Variants in SLC8A1 observed in about 807,000 individuals in gnomAD.
The protein encoded by SLC8A1 is sodium/calcium exchanger 1.
SLC8A1 carries 18 observed loss-of-function variants against 68.3 expected under a neutral mutation model. That is an observed-to-expected ratio of 0.26 (90% CI 0.18 to 0.39). SLC8A1 has a LOEUF of 0.39. Among genes scored for constraint, SLC8A1 ranks in the 10% least tolerant of loss-of-function variants. The pLI, the probability that SLC8A1 is intolerant of heterozygous loss-of-function variation, is 1.00. For missense variants in SLC8A1, 985 were observed against 1,156.7 expected, an observed-to-expected ratio of 0.85 and a Z score of 2.15; for synonymous variants, 475 against 415.5, an observed-to-expected ratio of 1.14 and a Z score of -1.74.
At chr2:40,366,173 C>T (rs747224319) in intron 2 of SLC8A1, among the ~76,000 whole-genome samples, 7 of 151,976 alleles carry the variant, frequency 4.6e-5, no homozygotes, top group Non-Finnish European at 8.8e-5. Flanking sequence ...CTCATAAGGG[C>T]ACTGTCAAAT....
At chr2:40,443,445 G>A (rs1700880253) in intron 1 of SLC8A1, among the ~76,000 whole-genome samples, 1 of 152,152 alleles carries the variant, frequency 6.6e-6, no homozygotes. Flanking sequence ...AAAGGTTGTT[G>A]AATTGTAAGG....
intron 2 of SLC8A1, among the ~76,000 whole-genome samples, chr2:40,383,501 T>C (rs1682586913): frequency 6.6e-6 from 1 of 152,090 alleles, no homozygotes; most frequent in Non-Finnish European, 1.5e-5. Flanking sequence ...ATGAGCATAT[T>C]TGCCATGTGA....
chr2:40,500,368 T>C (rs754544232), intron 1 of SLC8A1, among the ~76,000 whole-genome samples: 1 of 152,126 alleles, frequency 6.6e-6, no homozygotes, highest in Non-Finnish European at 1.5e-5. Flanking sequence ...TGAGAAACAC[T>C]GCATTACTAT....
rs2053932560 is a variant in SLC8A1 at position 40,200,195 on chromosome 2, T to TAA, written c.1809-22341_1809-22340insTT. 9.0e-4 allele frequency among the ~76,000 whole-genome samples: 8 copies of TAA among 8,852 alleles called. 1 individual carries two copies. The highest frequency in any genetic ancestry group is 1.7e-3 in the Non-Finnish European group (5 of 3,006). The allele number at this position is 8,852 out of a possible 152,430, so 5.8% of individuals were successfully genotyped here. On this transcript the variant is annotated intron_variant, in intron 2 of 7. Coordinates refer to ENST00000406785, the Ensembl canonical transcript of SLC8A1. Reference sequence around the variant, plus strand: ...ATTGATATATATATATATATATTTATATATATATATAAATATATATATATT... The same window carrying TAA: ...ATTGATATATATATATATATATTTATAAATATATATATAAATATATATATATT...
intron 2 of SLC8A1, among the ~76,000 whole-genome samples, chr2:40,306,453 G>GT (rs1559170392): frequency 2.4e-5 from 2 of 85,072 alleles, no homozygotes; most frequent in African/African-American, 7.9e-5. Flanking sequence ...GAATGGTTGT[G>GT]GGGGGGGGCA....
intron 2 of SLC8A1, among the ~76,000 whole-genome samples, chr2:40,180,411 C>G (rs2049281268): frequency 6.6e-6 from 1 of 152,182 alleles, no homozygotes. Flanking sequence ...CTACACAAAA[C>G]TGCCAAATGT....
chr2:40,491,071 C>T (rs1391309255), intron 1 of SLC8A1, among the ~76,000 whole-genome samples: 1 of 152,090 alleles, frequency 6.6e-6, no homozygotes, highest in Non-Finnish European at 1.5e-5. Flanking sequence ...TATTTGAAAA[C>T]ATTACTTGTT....
chr2:40,105,621 T>C (rs957759843), exon 8 of SLC8A1: 1 of 152,224 alleles, frequency 6.6e-6, no homozygotes, highest in African/African-American at 2.4e-5. Context: ...TTCAGTTTTG[T>C]AAAAATTGGT....
intron 2 of SLC8A1, among the ~76,000 whole-genome samples, chr2:40,275,682 T>C (rs888796758): frequency 1.3e-5 from 2 of 152,224 alleles, no homozygotes; most frequent in Non-Finnish European, 2.9e-5. Context: ...CATTTAAAAA[T>C]GATCCTCGTC....
At chr2:40,261,654 C>T (rs940741354) in intron 2 of SLC8A1, among the ~76,000 whole-genome samples, 1 of 152,182 alleles carries the variant, frequency 6.6e-6, no homozygotes, top group Admixed American at 6.5e-5. Flanking sequence ...CCATGCTACT[C>T]TGTATGACAA....
intron 2 of SLC8A1, among the ~76,000 whole-genome samples, chr2:40,265,875 A>G (rs907371898): frequency 7.2e-5 from 11 of 152,178 alleles, no homozygotes; most frequent in African/African-American, 2.7e-4. Flanking sequence ...AAAATCTACT[A>G]GCAGCCAAGG....
intron 1 of SLC8A1, among the ~76,000 whole-genome samples, chr2:40,448,871 TAA>T (rs1701922937): frequency 6.6e-6 from 1 of 152,116 alleles, no homozygotes; most frequent in Admixed American, 6.5e-5. Flanking sequence ...AGTAGAGAGA[TAA>T]TAGCATGTTG....
At chr2:40,159,939 C>G (rs1440339915) in intron 6 of SLC8A1, among the ~76,000 whole-genome samples, 2 of 152,132 alleles carry the variant, frequency 1.3e-5, no homozygotes, top group Non-Finnish European at 2.9e-5. Flanking sequence ...GCTTGGGAAT[C>G]ACTACGTATT....
At chr2:40,246,517 T>G (rs1273743667) in intron 2 of SLC8A1, among the ~76,000 whole-genome samples, 1 of 152,220 alleles carries the variant, frequency 6.6e-6, no homozygotes, top group Non-Finnish European at 1.5e-5. Flanking sequence ...AACAGCAGCT[T>G]AGCCAAACAC....
At chr2:40,250,772 G>A (rs1249275015) in intron 2 of SLC8A1, among the ~76,000 whole-genome samples, 1 of 152,114 alleles carries the variant, frequency 6.6e-6, no homozygotes, top group African/African-American at 2.4e-5. Context: ...TAGAATTTGG[G>A]GTTTGGGGAA....
At chr2:40,438,692 T>G (rs757673049) in intron 1 of SLC8A1, among the ~76,000 whole-genome samples, 1 of 152,170 alleles carries the variant, frequency 6.6e-6, no homozygotes, top group African/African-American at 2.4e-5. Context: ...GACAAAGGCA[T>G]AGAGCAATGA....
intron 2 of SLC8A1, among the ~76,000 whole-genome samples, chr2:40,423,031 T>G (rs187453547): frequency 6.6e-6 from 1 of 152,172 alleles, no homozygotes. Flanking sequence ...AAATTTTGTT[T>G]CTACACATTC....
At chr2:40,336,406 A>G (rs115423707) in intron 2 of SLC8A1, among the ~76,000 whole-genome samples, 2,204 of 152,328 alleles carry the variant, frequency 0.014, 53 homozygotes, top group African/African-American at 0.05. Context: ...ATTCATCATA[A>G]TGTCCACTAA....
chr2:40,137,915 G>A (rs2148271571), intron 7 of SLC8A1, among the ~76,000 whole-genome samples: 1 of 152,184 alleles, frequency 6.6e-6, no homozygotes, highest in East Asian at 1.9e-4. Flanking sequence ...ATAACACCAT[G>A]CCTTATGGCT....
Sources: gnomAD v4.1 joint callset for allele counts (sites outside exome capture counted in the v4.1 genomes callset) on GRCh38, gnomAD v4.1.1 for gene constraint, MANE v1.5 for transcripts, NCBI Gene and HGNC (gene_info 2026-07-23, HGNC 2026-07-21) for gene names.